SYNE2: variants seen among roughly 807,000 people sequenced by gnomAD.
SYNE2 encodes nesprin-2.
SYNE2 carries 431 observed loss-of-function variants against 856.3 expected under a neutral mutation model. The observed-to-expected ratio is 0.50, with a 90% CI of 0.47 to 0.55. SYNE2 has a LOEUF of 0.55. Among genes scored for constraint, SYNE2 ranks in the 20% least tolerant of loss-of-function variants. SYNE2 has a pLI of 0.00. For synonymous variants in SYNE2, 2,923 were observed against 2,872.3 expected (o/e 1.02, Z -0.56); for missense variants, 8,129 against 8,023.2 (o/e 1.01, Z -0.50).
At chr14:64,165,546 T>G (rs901982945) in intron 90 of SYNE2, 136 bp downstream of exon 90, 2 of 965,654 alleles carry the variant, frequency 2.1e-6, no homozygotes. Flanking sequence ...GGACTCTCGC[T>G]CTGTCACCCA....
At position 64,197,334 on chromosome 14, in the gene SYNE2, C is replaced by T. The variant is rs369852747; in HGVS notation, c.18039-5467C>T. ...AAGCAGGGCAGAGGAGTGATTATGCCGTGTGGAAAATGGAAGTCCTCTGGT... is the reference window on the plus strand; with the variant it reads ...AAGCAGGGCAGAGGAGTGATTATGCTGTGTGGAAAATGGAAGTCCTCTGGT... On this transcript the variant is annotated intron_variant, in intron 99 of 115. Coordinates refer to ENST00000555002, the MANE Select transcript of SYNE2 (RefSeq NM_182914.3). Among the ~76,000 whole-genome samples, 19 of 152,204 alleles carry T rather than the reference C, an allele frequency of 1.2e-4. No individual in the cohort carries two copies. The East Asian group carries it at 2.9e-3, about 23-fold the overall frequency.
chr14:63,899,332 G>C (rs1344945673), intron 1 of SYNE2, among the ~76,000 whole-genome samples: 2 of 152,212 alleles, frequency 1.3e-5, no homozygotes, highest in East Asian at 3.9e-4. Flanking sequence ...CTCCCAAGTA[G>C]CTGGGACTAT....
At position 63,766,828 on chromosome 14, in the gene SYNE2, C is replaced by T. The variant is rs572654697; in HGVS notation, c.-305+4842C>T. On this transcript the variant is annotated intron_variant, in intron 1 of 23. Coordinates refer to the SYNE2 transcript ENST00000674003. ...GGCCTTAGATCTCCTTCTTTGTTAG[C>T]GGAATCACTTAATGATACTGGAAGC... is the stretch of plus-strand genomic sequence containing the variant. Among the ~76,000 whole-genome samples the T allele has an allele frequency of 2.8e-4, 42 of 152,122 alleles. 1 individual carries two copies. The highest frequency in any genetic ancestry group is 9.4e-4 in the African/African-American group (39 of 41,506).
intron 30 of SYNE2, among the ~76,000 whole-genome samples, chr14:64,004,414 T>C (rs2096779961): frequency 6.6e-6 from 1 of 151,634 alleles, no homozygotes; most frequent in African/African-American, 2.4e-5. Context: ...CGCTGCAACC[T>C]CTGCCTCCCA....
chr14:64,101,963 A>G lies in SYNE2; in HGVS notation c.12413A>G (p.Gln4138Arg), dbSNP rs2097733725. 6.2e-7 allele frequency: 1 copy of G among 1,613,920 alleles called. No individual in the cohort carries two copies. The highest frequency in any genetic ancestry group is 1.7e-5 in the Admixed American group (1 of 60,000). The change falls in exon 64 of 116, where the codon CAG (glutamine) becomes CGG (arginine). Residue 4138 changes from glutamine (Q) to arginine (R), a missense_variant. Coordinates refer to ENST00000555002, the MANE Select transcript of SYNE2 (RefSeq NM_182914.3). Reference sequence around the variant, plus strand: ...GATGAGAAGGCAGAGCCATCGCCTCAGTCTTGGTCTTCACTTTGGAAGCAT... The same window carrying G: ...GATGAGAAGGCAGAGCCATCGCCTCGGTCTTGGTCTTCACTTTGGAAGCAT... ...NGDEKAEPSP[Q>R]SWSSLWKHDK...
In SYNE2 at chr14:64,142,083, C is replaced by G; in HGVS notation, c.15301C>G (p.His5101Asp). 1 of 1,614,068 alleles carries G rather than the reference C, an allele frequency of 6.2e-7. No homozygotes were observed. Among genetic ancestry groups the G allele is most frequent in the East Asian group, 2.2e-5 (1 of 44,860 alleles). ...ASQVKHLLQK[H>D]KEFRMEMDYK... is the part of the protein sequence containing the mutation. ...TCAAGTTAAACATCTTCTTCAGAAG[C>G]ACAAGGTAATTATGCAAAAGGAGCA... Residue 5101 changes from histidine to aspartate, a missense_variant, in exon 82 of 116, where the codon CAC becomes GAC. Physicochemically the swap from His to Asp is moderately conservative, Grantham distance 81. Coordinates refer to ENST00000555002, the MANE Select transcript of SYNE2 (RefSeq NM_182914.3).
chr14:63,860,718 C>T (rs1431537371), intron 1 of SYNE2, among the ~76,000 whole-genome samples: 2 of 152,244 alleles, frequency 1.3e-5, no homozygotes, highest in East Asian at 1.9e-4. Flanking sequence ...TGTAAATGTA[C>T]CCCTATTTAA....
intron 85 of SYNE2, among the ~76,000 whole-genome samples, chr14:64,158,014 C>CT (rs1387718063): frequency 6.6e-6 from 1 of 152,136 alleles, no homozygotes. Flanking sequence ...AATGCTTGGA[C>CT]TTTTTTCATC....
chr14:63,843,204 T>C (rs1890126986), intron 1 of SYNE2, among the ~76,000 whole-genome samples: 1 of 151,832 alleles, frequency 6.6e-6, no homozygotes, highest in Admixed American at 6.6e-5. Context: ...ACCAGGCTAA[T>C]TTTTATGCCC....
intron 89 of SYNE2, among the ~76,000 whole-genome samples, chr14:64,164,868 GT>G (rs939471979): frequency 1.3e-5 from 2 of 150,420 alleles, no homozygotes; most frequent in Non-Finnish European, 3.0e-5. Flanking sequence ...TTTATTTTTT[GT>G]TTTTTTTTGT....
chr14:63,828,507 C>T (rs1420184670), intron 1 of SYNE2, among the ~76,000 whole-genome samples: 2 of 150,984 alleles, frequency 1.3e-5, no homozygotes, highest in African/African-American at 2.4e-5. Flanking sequence ...GGCATGGTGG[C>T]AGGTGCCTGT....
upstream of SYNE2, among the ~76,000 whole-genome samples, chr14:63,849,461 A>AT (rs1890334940): frequency 6.6e-6 from 1 of 152,166 alleles, no homozygotes; most frequent in African/African-American, 2.4e-5. Flanking sequence ...GGGTTGATAA[A>AT]TACATGATAG....
intron 1 of SYNE2, among the ~76,000 whole-genome samples, chr14:63,860,089 C>T (rs892452907): frequency 6.6e-6 from 1 of 152,000 alleles, no homozygotes; most frequent in Non-Finnish European, 1.5e-5. Context: ...CTCTCTGGCC[C>T]AAGTGATCTG....
chr14:64,124,656 A>G (rs1418805564), intron 70 of SYNE2, among the ~76,000 whole-genome samples: 3 of 152,216 alleles, frequency 2.0e-5, no homozygotes. Context: ...AAAAATGTTC[A>G]CCAAGAAAGT....
chr14:64,209,050 G>A (rs1370135292), intron 101 of SYNE2, 105 bp downstream of exon 101: 12 of 1,418,802 alleles, frequency 8.5e-6, no homozygotes, highest in Non-Finnish European at 1.1e-5. Context: ...ACTTAGAAAT[G>A]CGCCAGGTAT....
rs1381787311 is a variant in SYNE2, at chr14:64,132,261, A to G, written c.14341-4A>G. On this transcript the variant is annotated splice_polypyrimidine_tract_variant and splice_region_variant and intron_variant, in intron 76 of 115. Transcript: ENST00000555002. ...TAAATATTAAAACTTTCTCCATCTC[A>G]TAGGTTTTTTTCCAGAAGCTTGTTG... is the stretch of plus-strand genomic sequence containing the variant. 2 of 1,613,048 alleles carry G rather than the reference A, an allele frequency of 1.2e-6. No individual in the cohort carries two copies. The highest frequency in any genetic ancestry group is 1.7e-6 in the Non-Finnish European group (2 of 1,179,978).
At chr14:63,802,517 G>A (rs1246341136) in intron 1 of SYNE2, among the ~76,000 whole-genome samples, 3 of 152,136 alleles carry the variant, frequency 2.0e-5, no homozygotes, top group African/African-American at 7.2e-5. Context: ...CTAAGGCTTT[G>A]GTTGACTGTT....
rs2096593915 is a variant in SYNE2 at position 63,982,531 on chromosome 14, A to G, written c.1837-99A>G. 4.7e-6 allele frequency: 6 copies of G among 1,282,474 alleles called. No individual in the cohort carries two copies. The Admixed American group carries it at 8.9e-5, about 19-fold the overall frequency. 79.4% of individuals were successfully genotyped at this position (1,282,474 alleles called of 1,614,324 possible). On this transcript the variant is annotated intron_variant, in intron 16 of 115. Coordinates refer to ENST00000555002, the MANE Select transcript of SYNE2 (RefSeq NM_182914.3). Reference sequence around the variant, plus strand: ...CAAGACTCCATCTCAAAAAAAAAAAAAAAAAAGAAAAGAAAAAAGCCTTGG... The same window carrying G: ...CAAGACTCCATCTCAAAAAAAAAAAGAAAAAAGAAAAGAAAAAAGCCTTGG...
At chr14:64,001,864 G>T in intron 28 of SYNE2, 70 bp from the exon 29 acceptor site, 4 of 1,507,780 alleles carry the variant, frequency 2.7e-6, no homozygotes, top group Non-Finnish European at 3.7e-6. Flanking sequence ...TTCAGTAATT[G>T]TGTTAATCAG....
Sources: allele counts gnomAD v4.1 joint callset (sites outside exome capture counted in the v4.1 genomes callset), GRCh38; gene constraint gnomAD v4.1.1; transcripts MANE v1.5; gene names NCBI Gene and HGNC (gene_info 2026-07-23, HGNC 2026-07-21).